THSD7B: variants seen among roughly 807,000 people sequenced by gnomAD.
THSD7B encodes thrombospondin type-1 domain-containing protein 7B.
Under a neutral mutation model 213.6 loss-of-function variants are expected in THSD7B, and 138 were observed. The observed-to-expected ratio is 0.65, with a 90% CI of 0.56 to 0.74. The LOEUF (loss-of-function observed/expected upper bound fraction) is 0.74, where lower values mean the gene tolerates loss of function less well. Ranked by LOEUF, THSD7B falls within the 30% of genes least tolerant of loss-of-function variation. The pLI, the probability that THSD7B is intolerant of heterozygous loss-of-function variation, is 0.00. For missense variants in THSD7B, 1,931 were observed against 1,991.5 expected, an observed-to-expected ratio of 0.97 and a Z score of 0.58; for synonymous variants, 742 against 687.0, an observed-to-expected ratio of 1.08 and a Z score of -1.25.
chr2:137,205,888 T>G (rs1338205924), intron 7 of THSD7B, among the ~76,000 whole-genome samples: 1 of 121,748 alleles, frequency 8.2e-6, no homozygotes, highest in Non-Finnish European at 1.7e-5. Flanking sequence ...ATCATTGTGT[T>G]AAGAGTAAGA....
At chr2:137,105,899 C>T (rs1299975515) in intron 4 of THSD7B, among the ~76,000 whole-genome samples, 1 of 152,084 alleles carries the variant, frequency 6.6e-6, no homozygotes, top group Non-Finnish European at 1.5e-5. Flanking sequence ...TAAGAGAGGA[C>T]ACAAACAAAT....
chr2:136,941,688 C>T (rs1177590635), intron 2 of THSD7B, among the ~76,000 whole-genome samples: 1 of 151,710 alleles, frequency 6.6e-6, no homozygotes, highest in African/African-American at 2.4e-5. Context: ...CCTTTGCCCA[C>T]TTTTTGATTT....
At chr2:136,844,970 C>T (rs1326637151) in intron 1 of THSD7B, among the ~76,000 whole-genome samples, 1 of 152,242 alleles carries the variant, frequency 6.6e-6, no homozygotes, top group African/African-American at 2.4e-5. Context: ...TTCTTCCTTT[C>T]ATATGTGTTG....
intron 3 of THSD7B, among the ~76,000 whole-genome samples, chr2:137,093,594 T>A (rs1687990247): frequency 6.6e-6 from 1 of 152,204 alleles, no homozygotes; most frequent in Admixed American, 6.5e-5. Context: ...AATAGTGTTT[T>A]CTCTGTGCCT....
At chr2:137,080,149 T>C (rs1203107862) in intron 3 of THSD7B, among the ~76,000 whole-genome samples, 1 of 151,100 alleles carries the variant, frequency 6.6e-6, no homozygotes, top group Non-Finnish European at 1.5e-5. Context: ...GTCTTGGCTT[T>C]TTAAATATAT....
At chr2:136,962,990 C>G (rs1242678217) in intron 2 of THSD7B, among the ~76,000 whole-genome samples, 1 of 152,080 alleles carries the variant, frequency 6.6e-6, no homozygotes, top group African/African-American at 2.4e-5. Flanking sequence ...AAGGAGAAGT[C>G]TAAATGAAAT....
intron 2 of THSD7B, among the ~76,000 whole-genome samples, chr2:136,890,836 T>G (rs1683840854): frequency 6.6e-6 from 1 of 151,792 alleles, no homozygotes; most frequent in South Asian, 2.1e-4. Flanking sequence ...CTACCGTGCC[T>G]GGCCATGTCC....
chr2:137,230,291 T>C (rs1301017379), intron 7 of THSD7B, among the ~76,000 whole-genome samples: 1 of 152,206 alleles, frequency 6.6e-6, no homozygotes, highest in Admixed American at 6.5e-5. Context: ...TCATGTTCTA[T>C]GATATGGTAT....
At chr2:137,162,624 C>T (rs1382380166) in intron 6 of THSD7B, among the ~76,000 whole-genome samples, 3 of 152,160 alleles carry the variant, frequency 2.0e-5, no homozygotes, top group Non-Finnish European at 4.4e-5. Flanking sequence ...TTCTCCCCTT[C>T]GTTCTGGGCC....
intron 1 of THSD7B, among the ~76,000 whole-genome samples, chr2:136,785,228 C>T (rs1164029824): frequency 6.6e-6 from 1 of 152,170 alleles, no homozygotes; most frequent in Admixed American, 6.5e-5. Context: ...CCACACTGCC[C>T]TTCACACTGC....
At chr2:137,289,634 A>G (rs1039008204) in intron 12 of THSD7B, among the ~76,000 whole-genome samples, 6 of 152,116 alleles carry the variant, frequency 3.9e-5, no homozygotes, top group African/African-American at 1.4e-4. Context: ...GTAATTGTAG[A>G]TTTTTTTAAA....
At chr2:136,802,639 T>TTATATATAGA (rs1682206202) in intron 1 of THSD7B, among the ~76,000 whole-genome samples, 1 of 57,362 alleles carries the variant, frequency 1.7e-5, no homozygotes. Flanking sequence ...TGAATTAAGT[T>TTATATATAGA]TATATATATA....
At chr2:137,610,261 G>T (rs1278873037) in intron 17 of THSD7B, among the ~76,000 whole-genome samples, 1 of 151,998 alleles carries the variant, frequency 6.6e-6, no homozygotes, top group Non-Finnish European at 1.5e-5. Context: ...AGAATGGGAT[G>T]GGACCCAATA....
rs543385635 is a variant in THSD7B at position 136,985,045 on chromosome 2, G to A, written c.140-71375G>A. On this transcript the variant is annotated intron_variant, in intron 2 of 27. Transcript: ENST00000409968. ...AAAGCATTCAAGAAGTGACATGCCCGCATCTAACAACCTACCATCAGATGT... is the reference window on the plus strand; with the variant it reads ...AAAGCATTCAAGAAGTGACATGCCCACATCTAACAACCTACCATCAGATGT... Among the ~76,000 whole-genome samples the A allele has an allele frequency of 6.6e-5, 10 of 152,236 alleles. No individual in the cohort carries two copies. The South Asian group carries it at 8.3e-4, about 13-fold the overall frequency.
intron 12 of THSD7B, among the ~76,000 whole-genome samples, chr2:137,330,656 G>A (rs1004456084): frequency 5.9e-5 from 9 of 152,136 alleles, no homozygotes; most frequent in East Asian, 1.9e-4. Context: ...TCATGGTCTC[G>A]CTGGCTTCAG....
At chr2:137,050,269 C>G (rs1427095892) in intron 2 of THSD7B, among the ~76,000 whole-genome samples, 3 of 152,040 alleles carry the variant, frequency 2.0e-5, no homozygotes, top group African/African-American at 7.2e-5. Context: ...TATTGATAAA[C>G]AATTTTTAAA....
chr2:137,561,627 C>T (rs1187006285), intron 15 of THSD7B, among the ~76,000 whole-genome samples: 2 of 152,090 alleles, frequency 1.3e-5, no homozygotes, highest in East Asian at 3.9e-4. Context: ...GCTAAACCCT[C>T]GGCTGTCATC....
Position 137,499,342 on chromosome 2 carries a change from A to C in THSD7B, c.3138+48319A>C, listed in dbSNP as rs533789026. On this transcript the variant is annotated intron_variant, in intron 15 of 27. Coordinates refer to ENST00000409968, the MANE Select transcript of THSD7B (RefSeq NM_001316349.2). The stretch of plus-strand genomic sequence containing the variant: ...TTGTCTAACCTGCAGAATTTTGTGA[A>C]ACTTTAAATATATCTTGGTACTTAC... Among the ~76,000 whole-genome samples the C allele has an allele frequency of 2.0e-5, 3 of 152,332 alleles. No individual in the cohort carries two copies. In the East Asian group the frequency reaches 5.8e-4, roughly 29 times the overall value.
At chr2:137,223,832 C>A (rs1486683719) in intron 7 of THSD7B, among the ~76,000 whole-genome samples, 1 of 151,968 alleles carries the variant, frequency 6.6e-6, no homozygotes, top group East Asian at 1.9e-4. Context: ...GGCGGATATT[C>A]CCCTTGCTCT....
Sources: gnomAD v4.1 joint callset for allele counts (sites outside exome capture counted in the v4.1 genomes callset) on GRCh38, gnomAD v4.1.1 for gene constraint, MANE v1.5 for transcripts, NCBI Gene and HGNC (gene_info 2026-07-23, HGNC 2026-07-21) for gene names.